Variants in MAGI1 observed in about 807,000 individuals in gnomAD.
MAGI1 encodes membrane associated guanylate kinase, WW and PDZ domain containing 1.
Under a neutral mutation model 139.9 loss-of-function variants are expected in MAGI1, and 58 were observed. The observed-to-expected ratio is 0.41, with a 90% CI of 0.34 to 0.52. The LOEUF is 0.52. MAGI1 is among the 20% of genes least tolerant of loss of function. The pLI, the probability that MAGI1 is intolerant of heterozygous loss-of-function variation, is 0.12. For missense variants in MAGI1, 1,874 were observed against 1,901.6 expected, an observed-to-expected ratio of 0.99 and a Z score of 0.27; for synonymous variants, 812 against 737.9, an observed-to-expected ratio of 1.10 and a Z score of -1.63.
chr3:65,452,432 C>T (rs1025424199), intron 6 of MAGI1: 6 of 152,182 alleles, frequency 3.9e-5, no homozygotes, highest in Non-Finnish European at 5.9e-5. Flanking sequence ...AATTATACTA[C>T]TAATTCACAT....
chr3:65,668,834 G>C (rs1227507283), intron 1 of MAGI1, among the ~76,000 whole-genome samples: 1 of 151,942 alleles, frequency 6.6e-6, no homozygotes, highest in Admixed American at 6.6e-5. Context: ...TTACAGGTGT[G>C]AGCCACTGTG....
At chr3:65,492,596 G>C (rs1272532891) in intron 3 of MAGI1, among the ~76,000 whole-genome samples, 1 of 152,152 alleles carries the variant, frequency 6.6e-6, no homozygotes, top group African/African-American at 2.4e-5. Flanking sequence ...GGTCCAAACA[G>C]CATGTACTAT....
intron 2 of MAGI1, among the ~76,000 whole-genome samples, chr3:65,571,988 AAAT>A (rs1211242155): frequency 9.9e-5 from 15 of 152,130 alleles, no homozygotes; most frequent in Non-Finnish European, 1.9e-4. Flanking sequence ...TGGAGATAAA[AAAT>A]AAGCATATAT....
intron 1 of MAGI1, among the ~76,000 whole-genome samples, chr3:66,016,909 T>C (rs934085621): frequency 6.6e-6 from 1 of 152,200 alleles, no homozygotes; most frequent in Non-Finnish European, 1.5e-5. Flanking sequence ...GTAAACACTG[T>C]ACGATTTCAC....
intron 1 of MAGI1, among the ~76,000 whole-genome samples, chr3:65,655,362 A>G (rs934253186): frequency 2.0e-5 from 3 of 152,202 alleles, no homozygotes; most frequent in African/African-American, 7.2e-5. Flanking sequence ...CCAACCATAC[A>G]TAGTTATGGT....
At chr3:65,730,129 A>C (rs2034034348) in intron 1 of MAGI1, among the ~76,000 whole-genome samples, 1 of 152,212 alleles carries the variant, frequency 6.6e-6, no homozygotes, top group Non-Finnish European at 1.5e-5. Flanking sequence ...ATTGGTGAAT[A>C]TCTCCATTAC....
intron 1 of MAGI1, among the ~76,000 whole-genome samples, chr3:65,647,774 A>G (rs755530146): frequency 6.6e-6 from 1 of 152,226 alleles, no homozygotes; most frequent in Non-Finnish European, 1.5e-5. Context: ...TAAAAAAGAA[A>G]AGAAAGAAAA....
chr3:65,380,202 A>G (rs1942932222), intron 16 of MAGI1, among the ~76,000 whole-genome samples: 1 of 152,234 alleles, frequency 6.6e-6, no homozygotes, highest in Admixed American at 6.5e-5. Flanking sequence ...TAGTGTTACC[A>G]TCAGACTGCA....
At chr3:65,379,677 C>T in intron 16 of MAGI1, 123 bp from the exon 17 acceptor site, 7 of 1,463,648 alleles carry the variant, frequency 4.8e-6, no homozygotes, top group Non-Finnish European at 6.4e-6. Context: ...GGAGACAGCA[C>T]CTGGTTTCAC....
chr3:65,782,366 A>C (rs2039000449), intron 1 of MAGI1, among the ~76,000 whole-genome samples: 1 of 152,128 alleles, frequency 6.6e-6, no homozygotes, highest in Non-Finnish European at 1.5e-5. Flanking sequence ...AAAGTCAAGG[A>C]AACAGATTCT....
intron 2 of MAGI1, among the ~76,000 whole-genome samples, chr3:65,568,280 T>C (rs2080771405): frequency 6.6e-6 from 1 of 152,158 alleles, no homozygotes; most frequent in Non-Finnish European, 1.5e-5. Flanking sequence ...TTCATGGCAA[T>C]AAAAATAAAA....
At chr3:65,696,588 G>A (rs1282886499) in intron 1 of MAGI1, among the ~76,000 whole-genome samples, 1 of 151,964 alleles carries the variant, frequency 6.6e-6, no homozygotes, top group Non-Finnish European at 1.5e-5. Context: ...TAGCTTAACT[G>A]CCCATGAAAA....
intron 1 of MAGI1, among the ~76,000 whole-genome samples, chr3:65,743,969 A>AT: frequency 6.6e-6 from 1 of 152,094 alleles, no homozygotes; most frequent in Admixed American, 6.5e-5. Context: ...TAAAATAAAA[A>AT]AAAAAAGTGA....
At chr3:65,580,570 C>T (rs933749678) in intron 2 of MAGI1, among the ~76,000 whole-genome samples, 4 of 152,184 alleles carry the variant, frequency 2.6e-5, no homozygotes, top group East Asian at 1.9e-4. Flanking sequence ...TAACAAGTCA[C>T]GCAAACACCA....
Position 66,038,080 on chromosome 3 carries a change from G to A in MAGI1, c.229C>T (p.Arg77Trp), listed in dbSNP as rs754621113. 2.5e-6 allele frequency: 4 copies of A among 1,612,850 alleles called. No homozygotes were observed. The highest frequency in any genetic ancestry group is 1.6e-4 in the Middle Eastern group (1 of 6,082). Residue 77 changes from arginine (R) to tryptophan (W), a missense_variant, in exon 1 of 23, where the codon CGG becomes TGG. Physicochemically the swap from Arg to Trp is moderately radical, Grantham distance 101 (BLOSUM62 -3). Around this residue, in one of 5 missense-constraint regions of MAGI1, gnomAD observed 648 missense variants for 598.1 expected, o/e 1.08. Transcript: ENST00000402939. ...TCATAGCGGGGCAAGCCGGACACCC[G>A]GACCCCCTGCACCTCCAGAAGCAGC... ...GELLLEVQGV[R>W]VSGLPRYDVL...
chr3:65,784,017 G>A (rs2039167619), intron 1 of MAGI1, among the ~76,000 whole-genome samples: 1 of 151,992 alleles, frequency 6.6e-6, no homozygotes, highest in South Asian at 2.1e-4. Flanking sequence ...CAGCTACTCA[G>A]GAGGCTGAGG....
intron 1 of MAGI1, among the ~76,000 whole-genome samples, chr3:65,906,123 T>C (rs2108645581): frequency 6.6e-6 from 1 of 152,222 alleles, no homozygotes; most frequent in East Asian, 1.9e-4. Context: ...GAAAATATAC[T>C]GTTACTATGA....
At chr3:65,726,332 T>G (rs1187662967) in intron 1 of MAGI1, among the ~76,000 whole-genome samples, 1 of 152,198 alleles carries the variant, frequency 6.6e-6, no homozygotes. Flanking sequence ...TCTAGGAGAA[T>G]AGAATATTCA....
At chr3:65,905,240 T>C (rs568104564) in intron 1 of MAGI1, among the ~76,000 whole-genome samples, 4 of 152,294 alleles carry the variant, frequency 2.6e-5, no homozygotes, top group Admixed American at 1.3e-4. Context: ...ACCAGCTGTT[T>C]CTTATTTCCC....
Sources: gnomAD v4.1 joint callset for allele counts (sites outside exome capture counted in the v4.1 genomes callset) on GRCh38, gnomAD v4.1.1 for gene constraint, gnomAD v4.1.1 regional missense constraint, MANE v1.5 for transcripts, NCBI Gene and HGNC (gene_info 2026-07-23, HGNC 2026-07-21) for gene names.